WTAP: variants seen among roughly 807,000 people sequenced by gnomAD.
The protein encoded by WTAP is pre-mRNA-splicing regulator WTAP.
WTAP carries 8 observed loss-of-function variants against 50.0 expected under a neutral mutation model. The observed-to-expected ratio is 0.16, with a 90% CI of 0.09 to 0.29. The LOEUF is 0.29. WTAP is among the 10% of genes least tolerant of loss of function. WTAP has a pLI of 1.00. For synonymous variants in WTAP, 194 were observed against 169.0 expected (o/e 1.15, Z -1.15); for missense variants, 295 against 470.7 (o/e 0.63, Z 3.45).
chr6:159,744,487 T>G (rs1477289723), intron 5 of WTAP, among the ~76,000 whole-genome samples: 1 of 151,818 alleles, frequency 6.6e-6, no homozygotes, highest in Non-Finnish European at 1.5e-5. Context: ...TAAGATAGTA[T>G]TCTGGTCATT....
Position 159,727,528 on chromosome 6 carries a change from C to T in WTAP, c.-184C>T, listed in dbSNP as rs931243311. 7.2e-5 allele frequency: 71 copies of T among 991,984 alleles called. No individual in the cohort carries two copies. The highest frequency in any genetic ancestry group is 1.7e-5 in the Non-Finnish European group (14 of 835,008). 61.4% of individuals were successfully genotyped at this position (991,984 alleles called of 1,614,324 possible). A position where few individuals can be genotyped will look rare whatever the true frequency, so the allele number is the denominator to read the frequency against. On this transcript the variant is annotated 5_prime_UTR_variant, in exon 1 of 8. Coordinates refer to ENST00000621533, the MANE Select transcript of WTAP (RefSeq NM_001270531.2). ...TTCCTCCCTCAGCGCCATTTTGTGG[C>T]AGCGAGACCCACAAATAAAGGGGAG...
chr6:159,748,047 G>T lies in WTAP; in HGVS notation c.274-144G>T, dbSNP rs1233196628. 6 of 1,103,246 alleles carry T rather than the reference G, an allele frequency of 5.4e-6. No individual in the cohort carries two copies. In the African/African-American group the frequency reaches 7.9e-5, roughly 15 times the overall value. The allele number at this position is 1,103,246 out of a possible 1,614,324, so 68.3% of individuals were successfully genotyped here. On this transcript the variant is annotated intron_variant, in intron 5 of 7. Coordinates refer to ENST00000621533, the MANE Select transcript of WTAP (RefSeq NM_001270531.2). The surrounding 1 kb of genome is among the most constrained non-coding windows in gnomAD (Gnocchi z 5.6). ...CTGTACTTTTTCTAGAAAGTTTTAA[G>T]ATTTTTCTAGAGAATTTCAGGATCA...
At chr6:159,745,968 CTGAG>C (rs779939179) in intron 5 of WTAP, among the ~76,000 whole-genome samples, 11 of 151,880 alleles carry the variant, frequency 7.2e-5, no homozygotes, top group Non-Finnish European at 1.2e-4. Context: ...TCTTGTTTGA[CTGAG>C]TAACGATGCT....
chr6:159,752,864 C>A (rs1779871984), intron 6 of WTAP, among the ~76,000 whole-genome samples: 1 of 152,178 alleles, frequency 6.6e-6, no homozygotes, highest in African/African-American at 2.4e-5. Context: ...CTCAGCCTTT[C>A]CAGAGGCTGG....
At chr6:159,743,610 G>A in intron 4 of WTAP, 55 bp from the exon 5 acceptor site, 2 of 1,499,218 alleles carry the variant, frequency 1.3e-6, no homozygotes, top group Non-Finnish European at 9.0e-7. Context: ...TCTTGACAGA[G>A]GTATTTAGAA....
Position 159,727,662 on chromosome 6 carries a change from C to G in WTAP, c.-50C>G. 1 of 985,384 alleles carries G rather than the reference C, an allele frequency of 1.0e-6. No homozygotes were observed. Among genetic ancestry groups the G allele is most frequent in the Non-Finnish European group, 1.2e-6 (1 of 830,178 alleles). 61.0% of individuals were successfully genotyped at this position (985,384 alleles called of 1,614,324 possible). Reference sequence around the variant, plus strand: ...GGCAGGGCAAGCAGCGCGGCCTCGGCCTATGCGACCGGTGGCGCCGGCGCG... The same window carrying G: ...GGCAGGGCAAGCAGCGCGGCCTCGGGCTATGCGACCGGTGGCGCCGGCGCG... On this transcript the variant is annotated 5_prime_UTR_variant, in exon 1 of 8. Transcript: ENST00000621533.
intron 4 of WTAP, among the ~76,000 whole-genome samples, chr6:159,742,729 G>A (rs1469315407): frequency 6.6e-6 from 1 of 152,020 alleles, no homozygotes; most frequent in Non-Finnish European, 1.5e-5. Context: ...CTAATTTTGC[G>A]TGACTGTGTT....
chr6:159,731,634 GTC>G (rs1778576319), intron 1 of WTAP, among the ~76,000 whole-genome samples: 1 of 152,214 alleles, frequency 6.6e-6, no homozygotes, highest in African/African-American at 2.4e-5. Flanking sequence ...GAAACACTGA[GTC>G]TGTGTTTTTG....
Position 159,755,446 on chromosome 6 carries a change from C to T in WTAP, c.1026C>T (p.Pro342=). Residue 342 remains proline, a synonymous_variant, in exon 8 of 8, where the codon CCC becomes CCT. Transcript: ENST00000621533. ...LSAGYESVDS[P]TGSENSLTHQ... is the part of the protein sequence containing the mutation. The stretch of plus-strand genomic sequence containing the variant: ...CGGGGTATGAAAGTGTAGACTCTCC[C>T]ACGGGCAGTGAAAACTCTCTCACAC... 6.2e-7 allele frequency: 1 copy of T among 1,613,982 alleles called. No homozygotes were observed. Among genetic ancestry groups the T allele is most frequent in the Non-Finnish European group, 8.5e-7 (1 of 1,179,970 alleles).
At chr6:159,726,810 G>T, upstream of WTAP, 1 of 1,289,212 alleles carries the variant, frequency 7.8e-7, no homozygotes, top group South Asian at 1.2e-5. Flanking sequence ...CCTCACGACT[G>T]ATGAGAGGGA....
chr6:159,748,416 T>G lies in WTAP; in HGVS notation c.452+47T>G. On this transcript the variant is annotated intron_variant, in intron 6 of 7. Coordinates refer to ENST00000621533, the MANE Select transcript of WTAP (RefSeq NM_001270531.2). The surrounding 1 kb of genome is among the most constrained non-coding windows in gnomAD (Gnocchi z 5.6). ...GTCAAGACTTCCCTGACAGTCCCAC[T>G]ACGAGAAAGCTGTGGTGGGACAGCC... is the stretch of plus-strand genomic sequence containing the variant. The G allele has an allele frequency of 5.0e-6, 8 of 1,603,004 alleles. No individual in the cohort carries two copies. Among genetic ancestry groups the G allele is most frequent in the Non-Finnish European group, 6.8e-6 (8 of 1,172,778 alleles).
intron 5 of WTAP, among the ~76,000 whole-genome samples, chr6:159,745,341 G>C (rs1050885553): frequency 1.3e-5 from 2 of 152,078 alleles, no homozygotes; most frequent in Non-Finnish European, 2.9e-5. Context: ...ATCATATTAC[G>C]CCTGGTCAAG....
chr6:159,749,299 C>G, intron 6 of WTAP: 2 of 985,770 alleles, frequency 2.0e-6, no homozygotes, highest in African/African-American at 3.5e-5. Flanking sequence ...ATCCCCGTTC[C>G]ATTCAACAGG....
At chr6:159,749,419 A>G (rs1233565952) in intron 6 of WTAP, 1 of 970,818 alleles carries the variant, frequency 1.0e-6, no homozygotes, top group East Asian at 1.1e-4. Flanking sequence ...GTGCCTTGAA[A>G]TAGTTGGTTT....
chr6:159,727,710 G>C lies in WTAP; in HGVS notation c.-9+7G>C. 1.0e-6 allele frequency: 1 copy of C among 985,442 alleles called. No individual in the cohort carries two copies. Among genetic ancestry groups the C allele is most frequent in the Non-Finnish European group, 1.2e-6 (1 of 830,028 alleles). The allele number at this position is 985,442 out of a possible 1,614,324, so 61.0% of individuals were successfully genotyped here. A position where few individuals can be genotyped will look rare whatever the true frequency, so the allele number is the denominator to read the frequency against. On this transcript the variant is annotated splice_region_variant and intron_variant, in intron 1 of 7. Transcript: ENST00000621533. ...GCGGCTTCTGCCTGGAGAGGTAGGC[G>C]CGGGCCGGCTGGCGGGAGCGGACGC...
At chr6:159,749,836 A>G (rs960075356) in intron 6 of WTAP, among the ~76,000 whole-genome samples, 1 of 152,218 alleles carries the variant, frequency 6.6e-6, no homozygotes, top group Non-Finnish European at 1.5e-5. Flanking sequence ...CTTCCATCCA[A>G]TCCTGGAGGT....
intron 1 of WTAP, among the ~76,000 whole-genome samples, chr6:159,733,660 G>T (rs1026568150): frequency 3.3e-5 from 5 of 151,450 alleles, no homozygotes; most frequent in African/African-American, 1.2e-4. Flanking sequence ...CATGCCTGTA[G>T]TCCCAGCACT....
intron 4 of WTAP, 110 bp downstream of exon 4, chr6:159,742,256 TATA>T: frequency 1.1e-6 from 1 of 912,054 alleles, no homozygotes; most frequent in Non-Finnish European, 1.7e-6. Flanking sequence ...CGTGTTTTAT[TATA>T]AGAACTGTAC....
In WTAP at chr6:159,755,268, C is replaced by G; in HGVS notation, c.848C>G (p.Ser283Cys). 1 of 1,614,202 alleles carries G rather than the reference C, an allele frequency of 6.2e-7. No individual in the cohort carries two copies. Residue 283 changes from serine to cysteine, a missense_variant, in exon 8 of 8, where the codon TCC becomes TGC. Around this residue, in one of 2 missense-constraint regions of WTAP, gnomAD observed 175 missense variants for 183.1 expected, o/e 0.96. Coordinates refer to ENST00000621533, the MANE Select transcript of WTAP (RefSeq NM_001270531.2). Reference sequence around the variant, plus strand: ...AACGGACCAAGTAATGGTAGCTCCTCCCGCCAGAGGACGTCTGGGTCTGGA... The same window carrying G: ...AACGGACCAAGTAATGGTAGCTCCTGCCGCCAGAGGACGTCTGGGTCTGGA... The part of the protein sequence containing the change: ...LTNGPSNGSS[S>C]RQRTSGSGFH...
Sources: gnomAD v4.1 joint callset for allele counts (sites outside exome capture counted in the v4.1 genomes callset) on GRCh38, gnomAD v4.1.1 for gene constraint, gnomAD v4.1.1 regional missense constraint, Gnocchi (gnomAD v3.1) non-coding constraint, MANE v1.5 for transcripts, NCBI Gene and HGNC (gene_info 2026-07-23, HGNC 2026-07-21) for gene names.